VEZT: variants seen among roughly 807,000 people sequenced by gnomAD.
VEZT encodes the protein vezatin, adherens junctions transmembrane protein, also known as vezatin.
In VEZT, 39 loss-of-function variants were observed where a neutral mutation model predicts 79.9. That is an observed-to-expected ratio of 0.49 (90% CI 0.38 to 0.64). VEZT has a LOEUF of 0.64. Ranked by LOEUF, VEZT falls within the 30% of genes least tolerant of loss-of-function variation. VEZT has a pLI of 0.00. For missense variants in VEZT, 837 were observed against 893.1 expected, an observed-to-expected ratio of 0.94 and a Z score of 0.80; for synonymous variants, 325 against 327.6, an observed-to-expected ratio of 0.99 and a Z score of 0.09.
At chr12:95,255,592 C>T (rs562055460) in intron 2 of VEZT, among the ~76,000 whole-genome samples, 3 of 151,984 alleles carry the variant, frequency 2.0e-5, no homozygotes, top group South Asian at 2.1e-4. Context: ...CCACCACGCC[C>T]GGCTAATTTT....
chr12:95,270,308 T>TC, intron 6 of VEZT, 120 bp downstream of exon 6: 1 of 1,030,106 alleles, frequency 9.7e-7, no homozygotes, highest in Non-Finnish European at 1.4e-6. Context: ...TGAAGCTAAT[T>TC]TCCATCATCA....
intron 1 of VEZT, among the ~76,000 whole-genome samples, chr12:95,222,971 G>T (rs1470384935): frequency 6.6e-6 from 1 of 152,106 alleles, no homozygotes; most frequent in East Asian, 1.9e-4. Context: ...TTCTTTTATG[G>T]TTATTGCTCA....
chr12:95,283,310 A>T (rs2069668520), intron 8 of VEZT, among the ~76,000 whole-genome samples: 1 of 152,360 alleles, frequency 6.6e-6, no homozygotes, highest in Middle Eastern at 3.4e-3. Flanking sequence ...CAAGTTTAAA[A>T]ATTGAATCAA....
chr12:95,266,323 G>C, intron 4 of VEZT, 34 bp from the exon 5 acceptor site: 2 of 1,584,764 alleles, frequency 1.3e-6, no homozygotes, highest in African/African-American at 2.7e-5. Context: ...TCTCTAATCT[G>C]ATGCATATCA....
chr12:95,262,905 G>A lies in VEZT; in HGVS notation c.259-1G>A. 1.9e-6 allele frequency: 3 copies of A among 1,583,584 alleles called. No homozygotes were observed. The highest frequency in any genetic ancestry group is 1.1e-5 in the South Asian group (1 of 87,846). ...CTCTCTTCTGGTATTTTAATGGCAAGGATATTGGATTCCGACTCGACTCAT... is the reference window on the plus strand; with the variant it reads ...CTCTCTTCTGGTATTTTAATGGCAAAGATATTGGATTCCGACTCGACTCAT... On this transcript the variant is annotated splice_acceptor_variant, in intron 3 of 11. Transcript: ENST00000436874. LOFTEE classifies it high-confidence loss of function.
At chr12:95,251,893 G>A in intron 1 of VEZT, 47 bp from the exon 2 acceptor site, 1 of 1,579,856 alleles carries the variant, frequency 6.3e-7, no homozygotes. Flanking sequence ...CGAAACTTTT[G>A]AAGTAGTAAT....
intron 6 of VEZT, among the ~76,000 whole-genome samples, chr12:95,274,093 G>T (rs1018300867): frequency 6.6e-6 from 1 of 152,146 alleles, no homozygotes; most frequent in Non-Finnish European, 1.5e-5. Context: ...GAGAGGAAAA[G>T]AATATTTACT....
chr12:95,272,216 T>A (rs2066754168), intron 6 of VEZT, among the ~76,000 whole-genome samples: 1 of 136,710 alleles, frequency 7.3e-6, no homozygotes, highest in Non-Finnish European at 1.6e-5. Flanking sequence ...ATTCTTCAGA[T>A]AAAATAGTTA....
chr12:95,286,342 T>C (rs2139455788), intron 8 of VEZT: 4 of 452,926 alleles, frequency 8.8e-6, no homozygotes, highest in South Asian at 7.2e-5. Flanking sequence ...AGTTAGTCTT[T>C]CTTCATAAAA....
intron 9 of VEZT, chr12:95,293,544 T>G (rs1418307041): frequency 6.6e-6 from 1 of 152,230 alleles, no homozygotes; most frequent in Non-Finnish European, 1.5e-5. Context: ...GATATTTCCT[T>G]GTGAATTCAT....
At chr12:95,275,359 A>G (rs189555542) in intron 7 of VEZT, among the ~76,000 whole-genome samples, 78 of 152,282 alleles carry the variant, frequency 5.1e-4, no homozygotes, top group African/African-American at 1.8e-3. Flanking sequence ...TTGGGAGGCC[A>G]AAGCAGGCAG....
rs577954279 is a variant in VEZT, at chr12:95,257,284, T to C, written c.258+45T>C. The C allele has an allele frequency of 4.3e-5, 61 of 1,404,340 alleles. No individual in the cohort carries two copies. The South Asian group carries it at 7.5e-4, about 17-fold the overall frequency. 87.0% of individuals were successfully genotyped at this position (1,404,340 alleles called of 1,614,324 possible). A position where few individuals can be genotyped will look rare whatever the true frequency, so the allele number is the denominator to read the frequency against. On this transcript the variant is annotated intron_variant, in intron 3 of 11. Coordinates refer to ENST00000436874, the MANE Select transcript of VEZT (RefSeq NM_017599.4). ...TGCCACTTTTCAGGGTTCTAGGTTA[T>C]TAGTGAAATAATTGGTGAATCAGAA...
chr12:95,234,869 A>C (rs978877440), intron 1 of VEZT, among the ~76,000 whole-genome samples: 3 of 152,120 alleles, frequency 2.0e-5, no homozygotes, highest in Non-Finnish European at 2.9e-5. Context: ...CTTAAGGAGC[A>C]TGCTGCCTTC....
intron 2 of VEZT, among the ~76,000 whole-genome samples, chr12:95,256,818 C>T (rs1363977030): frequency 1.3e-5 from 2 of 152,202 alleles, no homozygotes; most frequent in Non-Finnish European, 2.9e-5. Flanking sequence ...TACATAGTCT[C>T]CCCAGGATAA....
chr12:95,226,765 G>A (rs1282929971), intron 1 of VEZT, among the ~76,000 whole-genome samples: 3 of 152,166 alleles, frequency 2.0e-5, no homozygotes, highest in African/African-American at 7.2e-5. Flanking sequence ...AAAGAGTGAA[G>A]TGCCCAGGCC....
intron 6 of VEZT, among the ~76,000 whole-genome samples, chr12:95,271,688 C>G (rs2066634903): frequency 6.6e-6 from 1 of 152,174 alleles, no homozygotes; most frequent in Admixed American, 6.5e-5. Context: ...CAGTGGTAAA[C>G]ATAATAGACA....
In VEZT at chr12:95,282,309, TAAGG is replaced by T. The variant is rs1283014249; in HGVS notation, c.997-3_997del. On this transcript the variant is annotated splice_acceptor_variant and splice_polypyrimidine_tract_variant and coding_sequence_variant and intron_variant, in exon 8 of 12. Transcript: ENST00000436874. LOFTEE classifies it high-confidence loss of function. ...ATCTAGTTCTTTTTTCTTTTTTCTT[TAAGG>T]TTTTGTTCCAACTCTGGGTGGCACA... 1.3e-6 allele frequency: 2 copies of T among 1,578,346 alleles called. No individual in the cohort carries two copies. Among genetic ancestry groups the T allele is most frequent in the South Asian group, 2.4e-5 (2 of 84,990 alleles).
chr12:95,246,825 A>G (rs180880054), intron 1 of VEZT, among the ~76,000 whole-genome samples: 2 of 152,322 alleles, frequency 1.3e-5, no homozygotes, highest in Admixed American at 6.5e-5. Flanking sequence ...TTTCTCTTCA[A>G]AAAAACAACT....
chr12:95,224,184 G>C (rs541219522), intron 1 of VEZT: 1 of 456,024 alleles, frequency 2.2e-6, no homozygotes, highest in South Asian at 1.5e-5. Flanking sequence ...ATTTAGGTTC[G>C]GCCAGTGGGA....
Sources: allele counts gnomAD v4.1 joint callset (sites outside exome capture counted in the v4.1 genomes callset), GRCh38; gene constraint gnomAD v4.1.1; transcripts MANE v1.5; gene names NCBI Gene and HGNC (gene_info 2026-07-23, HGNC 2026-07-21).